The following GFRA2 variants were observed in gnomAD, a reference collection of about 807,000 sequenced individuals.
The protein encoded by GFRA2 is GDNF family receptor alpha-2.
In GFRA2, 17 loss-of-function variants were observed where a neutral mutation model predicts 48.3. The ratio of observed to expected loss-of-function variants is 0.35; its 90% CI spans 0.24 to 0.53. GFRA2 has a LOEUF of 0.53. Ranked by LOEUF, GFRA2 falls within the 20% of genes least tolerant of loss-of-function variation. The pLI is 0.93. For missense variants in GFRA2, 660 were observed against 637.3 expected, an observed-to-expected ratio of 1.04 and a Z score of -0.38; for synonymous variants, 305 against 257.2, an observed-to-expected ratio of 1.19 and a Z score of -1.78.
At chr8:21,764,309 G>A (rs536413839) in intron 3 of GFRA2, among the ~76,000 whole-genome samples, 1 of 152,226 alleles carries the variant, frequency 6.6e-6, no homozygotes, top group Admixed American at 6.5e-5. Flanking sequence ...GAAGGGGCAA[G>A]TGAGCTCTCC....
At chr8:21,784,172 G>A (rs1333581582) in intron 1 of GFRA2, 6 of 397,804 alleles carry the variant, frequency 1.5e-5, no homozygotes, top group African/African-American at 6.2e-5. Flanking sequence ...GTAGGTGAAC[G>A]GCAGGGACAG....
chr8:21,792,308 G>T (rs1368662584), upstream of GFRA2, among the ~76,000 whole-genome samples: 1 of 152,184 alleles, frequency 6.6e-6, no homozygotes, highest in Non-Finnish European at 1.5e-5. Flanking sequence ...GAAGGCTGAG[G>T]GTTCCCTGAC....
At chr8:21,710,784 T>TA (rs1802984294) in intron 4 of GFRA2, among the ~76,000 whole-genome samples, 1 of 152,240 alleles carries the variant, frequency 6.6e-6, no homozygotes, top group South Asian at 2.1e-4. Flanking sequence ...CAGCAAAGCG[T>TA]ACGGCAAAGT....
intron 6 of GFRA2, among the ~76,000 whole-genome samples, chr8:21,703,777 C>T (rs923204304): frequency 6.6e-6 from 1 of 152,300 alleles, no homozygotes. Context: ...TCGCTGTTCC[C>T]CTCCCACTGC....
chr8:21,754,860 TA>T (rs1805492671), intron 3 of GFRA2, among the ~76,000 whole-genome samples: 1 of 152,024 alleles, frequency 6.6e-6, no homozygotes, highest in African/African-American at 2.4e-5. Context: ...CTTCTTGTTA[TA>T]AAAATAAAAG....
At chr8:21,717,505 T>C (rs1803391562) in intron 4 of GFRA2, among the ~76,000 whole-genome samples, 1 of 152,258 alleles carries the variant, frequency 6.6e-6, no homozygotes, top group Admixed American at 6.5e-5. Context: ...CTGTTCATTA[T>C]GTTCATTTTT....
At chr8:21,755,785 C>T (rs138497612) in intron 3 of GFRA2, among the ~76,000 whole-genome samples, 9 of 152,346 alleles carry the variant, frequency 5.9e-5, no homozygotes, top group Non-Finnish European at 8.8e-5. Context: ...CAATTCAATA[C>T]GACTGAACAT....
intron 4 of GFRA2, among the ~76,000 whole-genome samples, chr8:21,727,288 C>T (rs551532213): frequency 1.2e-4 from 19 of 152,276 alleles, no homozygotes; most frequent in African/African-American, 3.9e-4. Context: ...GGCTCTGTTG[C>T]CATCTGGAGC....
At chr8:21,756,895 C>T (rs989193857) in intron 3 of GFRA2, among the ~76,000 whole-genome samples, 2 of 152,160 alleles carry the variant, frequency 1.3e-5, no homozygotes, top group African/African-American at 4.8e-5. Flanking sequence ...GAACTCAACA[C>T]GTGCTCCAGC....
intron 4 of GFRA2, among the ~76,000 whole-genome samples, chr8:21,738,770 C>A (rs1585278281): frequency 6.6e-6 from 1 of 152,192 alleles, no homozygotes; most frequent in Non-Finnish European, 1.5e-5. Context: ...CCCCACCAAG[C>A]CTGTGGGGGC....
chr8:21,713,764 G>A (rs910814997), intron 4 of GFRA2, among the ~76,000 whole-genome samples: 1 of 152,288 alleles, frequency 6.6e-6, no homozygotes, highest in Admixed American at 6.5e-5. Context: ...CAGGAGCAGA[G>A]TCCAGCAATC....
At chr8:21,738,413 C>T (rs1010541805) in intron 4 of GFRA2, among the ~76,000 whole-genome samples, 5 of 151,708 alleles carry the variant, frequency 3.3e-5, no homozygotes, top group African/African-American at 9.7e-5. Flanking sequence ...CTATCTCAGA[C>T]TCCATCACAT....
upstream of GFRA2, among the ~76,000 whole-genome samples, chr8:21,789,639 C>G (rs1807486809): frequency 1.3e-5 from 2 of 152,072 alleles, no homozygotes; most frequent in Non-Finnish European, 2.9e-5. Context: ...CGCATCCTGC[C>G]GGCCCCGGCC....
intron 4 of GFRA2, among the ~76,000 whole-genome samples, chr8:21,748,404 A>G (rs893323740): frequency 6.7e-5 from 10 of 148,996 alleles, no homozygotes; most frequent in Admixed American, 4.6e-4. Flanking sequence ...TACATGCAGG[A>G]CAGGGTGTGG....
chr8:21,759,746 G>T lies in GFRA2; in HGVS notation c.440-8804C>A, dbSNP rs542500829. ...TCTACTAAAAATACAAAAATGAGCC[G>T]AGTGTGGTGGCATGTGCCTGTAATC... On this transcript the variant is annotated intron_variant, in intron 3 of 8. Coordinates refer to ENST00000524240, the MANE Select transcript of GFRA2 (RefSeq NM_001495.5). Among the ~76,000 whole-genome samples the T allele has an allele frequency of 7.9e-5, 12 of 151,880 alleles. No homozygotes were observed. In the East Asian group the frequency reaches 2.3e-3, roughly 30 times the overall value.
intron 3 of GFRA2, among the ~76,000 whole-genome samples, chr8:21,773,451 T>C (rs1304224027): frequency 1.3e-5 from 2 of 152,280 alleles, no homozygotes; most frequent in East Asian, 3.9e-4. Context: ...TTTCTCCCAC[T>C]AGGGACACGT....
In GFRA2 at chr8:21,708,711, T is replaced by C. The variant is rs142618689; in HGVS notation, c.795-2670A>G. 5.1e-3 allele frequency among the ~76,000 whole-genome samples: 777 copies of C among 152,136 alleles called. 5 individuals are homozygous for C. Among genetic ancestry groups the C allele is most frequent in the African/African-American group, 0.017 (689 of 41,510 alleles). ...CGCCATGAGACAGCAGAGGCAGAGATAGGAGTGATGAAGCCAGAAGCCAAG... is the reference window on the plus strand; with the variant it reads ...CGCCATGAGACAGCAGAGGCAGAGACAGGAGTGATGAAGCCAGAAGCCAAG... On this transcript the variant is annotated intron_variant, in intron 4 of 8. Transcript: ENST00000524240.
chr8:21,700,667 G>A (rs1046952757), intron 7 of GFRA2, among the ~76,000 whole-genome samples: 3 of 152,152 alleles, frequency 2.0e-5, no homozygotes, highest in Admixed American at 6.5e-5. Context: ...TTCAAGTCCT[G>A]ACATACAGAT....
chr8:21,723,557 C>G (rs542314756), intron 4 of GFRA2, among the ~76,000 whole-genome samples: 2 of 152,318 alleles, frequency 1.3e-5, no homozygotes, highest in South Asian at 4.1e-4. Context: ...GAACAGAAGC[C>G]TTGCCAGGCA....
Sources: allele counts gnomAD v4.1 joint callset (sites outside exome capture counted in the v4.1 genomes callset), GRCh38; gene constraint gnomAD v4.1.1; transcripts MANE v1.5; gene names NCBI Gene and HGNC (gene_info 2026-07-23, HGNC 2026-07-21).